TRPC6: variants seen among roughly 807,000 people sequenced by gnomAD.
The protein encoded by TRPC6 is transient receptor potential cation channel subfamily C member 6.
A neutral mutation model predicts 90.7 loss-of-function variants in TRPC6; 55 were observed. That is an observed-to-expected ratio of 0.61 (90% CI 0.49 to 0.76). The LOEUF is 0.76. TRPC6 is among the 30% of genes least tolerant of loss of function. The pLI, the probability that TRPC6 is intolerant of heterozygous loss-of-function variation, is 0.00. For missense variants in TRPC6, 989 were observed against 1,122.7 expected, an observed-to-expected ratio of 0.88 and a Z score of 1.70; for synonymous variants, 393 against 393.0, an observed-to-expected ratio of 1.00 and a Z score of 0.00.
chr11:101,467,469 A>G (rs1051329539), intron 10 of TRPC6, among the ~76,000 whole-genome samples: 14 of 152,254 alleles, frequency 9.2e-5, no homozygotes, highest in African/African-American at 3.1e-4. Flanking sequence ...TAATATTCAA[A>G]AGAACATTTG....
At position 101,571,039 on chromosome 11, in the gene TRPC6, G is replaced by A. The variant is rs1273127712; in HGVS notation, c.170+12295C>T. Among the ~76,000 whole-genome samples, 5 of 152,280 alleles carry A rather than the reference G, an allele frequency of 3.3e-5. No individual in the cohort carries two copies. In the South Asian group the frequency reaches 1.0e-3, roughly 32 times the overall value. On this transcript the variant is annotated intron_variant, in intron 1 of 12. Coordinates refer to ENST00000344327, the MANE Select transcript of TRPC6 (RefSeq NM_004621.6). ...GGCCAGGGGATTCAGGCAAGACAAA[G>A]AAATAAAGCGTATTCAATTTTGAAA...
intron 10 of TRPC6, among the ~76,000 whole-genome samples, chr11:101,462,982 C>T (rs1308539652): frequency 1.3e-5 from 2 of 152,224 alleles, no homozygotes; most frequent in South Asian, 2.1e-4. Context: ...AGATACGTCC[C>T]ATCAATACCT....
At chr11:101,536,107 C>G (rs1317851470) in intron 1 of TRPC6, among the ~76,000 whole-genome samples, 2 of 152,210 alleles carry the variant, frequency 1.3e-5, no homozygotes, top group Non-Finnish European at 2.9e-5. Context: ...TAACTGCAGG[C>G]CAAGCTCAGT....
Position 101,534,391 on chromosome 11 carries a change from C to T in TRPC6, c.171-29593G>A, listed in dbSNP as rs539548926. On this transcript the variant is annotated intron_variant, in intron 1 of 12. Coordinates refer to ENST00000344327, the MANE Select transcript of TRPC6 (RefSeq NM_004621.6). The stretch of plus-strand genomic sequence containing the variant: ...CCTCAGATGATCGACCCACCTCAGC[C>T]TCCCACTGTGCTGGGATTACAGGCA... 1.9e-4 allele frequency among the ~76,000 whole-genome samples: 29 copies of T among 152,284 alleles called. No individual in the cohort carries two copies. In the East Asian group the frequency reaches 4.8e-3, roughly 25 times the overall value.
At chr11:101,466,829 C>A (rs1364436392) in intron 10 of TRPC6, among the ~76,000 whole-genome samples, 1 of 152,210 alleles carries the variant, frequency 6.6e-6, no homozygotes, top group South Asian at 2.1e-4. Context: ...CAGTTTTGTG[C>A]TTGAAACCCA....
chr11:101,496,539 A>G (rs986916458), intron 2 of TRPC6, among the ~76,000 whole-genome samples: 1 of 152,218 alleles, frequency 6.6e-6, no homozygotes, highest in Non-Finnish European at 1.5e-5. Context: ...GAATTGAAGA[A>G]AAACATTTTC....
intron 1 of TRPC6, among the ~76,000 whole-genome samples, chr11:101,578,616 G>GT (rs1206864453): frequency 2.7e-5 from 4 of 150,398 alleles, no homozygotes; most frequent in Admixed American, 6.7e-5. Context: ...GTCATTTTTT[G>GT]TTTTTTTCAT....
intron 4 of TRPC6, among the ~76,000 whole-genome samples, chr11:101,486,669 C>T (rs1177810905): frequency 6.6e-6 from 1 of 152,104 alleles, no homozygotes; most frequent in Non-Finnish European, 1.5e-5. Flanking sequence ...TTGTTTCCTA[C>T]AGCAAAACCA....
intron 1 of TRPC6, among the ~76,000 whole-genome samples, chr11:101,546,371 C>T (rs201109716): frequency 2.3e-4 from 15 of 65,692 alleles, no homozygotes; most frequent in Admixed American, 3.6e-4. Flanking sequence ...CGCACCCGGC[C>T]TTATAACTCT....
At chr11:101,554,518 T>G (rs1173429826) in intron 1 of TRPC6, among the ~76,000 whole-genome samples, 1 of 152,058 alleles carries the variant, frequency 6.6e-6, no homozygotes, top group Admixed American at 6.6e-5. Context: ...ATATATAAAT[T>G]GGGAATATGG....
intron 1 of TRPC6, among the ~76,000 whole-genome samples, chr11:101,516,336 A>G (rs1157196334): frequency 6.6e-6 from 1 of 152,096 alleles, no homozygotes; most frequent in Admixed American, 6.5e-5. Context: ...CACATGCTGA[A>G]AAGAACTACA....
At chr11:101,554,024 T>A (rs1030120857) in intron 1 of TRPC6, among the ~76,000 whole-genome samples, 1 of 152,120 alleles carries the variant, frequency 6.6e-6, no homozygotes, top group Admixed American at 6.6e-5. Flanking sequence ...GCAATGCACA[T>A]GGAAATACAG....
chr11:101,491,836 C>CTTTTTTTTTTTT (rs71056611), intron 2 of TRPC6, 98 bp from the exon 3 acceptor site: 4 of 445,044 alleles, frequency 9.0e-6, no homozygotes, highest in Middle Eastern at 8.1e-4. Context: ...GAGAAACATT[C>CTTTTTTTTTTTT]TTTTTTTTTT....
chr11:101,456,525 C>T (rs1264455595), intron 10 of TRPC6, among the ~76,000 whole-genome samples: 2 of 152,068 alleles, frequency 1.3e-5, no homozygotes, highest in Admixed American at 6.6e-5. Flanking sequence ...ATTTATTTAC[C>T]ATCTATTCAT....
intron 5 of TRPC6, among the ~76,000 whole-genome samples, chr11:101,482,236 C>T (rs77946963): frequency 0.07 from 10,662 of 152,242 alleles, 430 homozygotes; most frequent in African/African-American, 0.09. Flanking sequence ...TTAGTATCCT[C>T]GTTACTTAAC....
chr11:101,510,846 A>G (rs1860379440), intron 1 of TRPC6, among the ~76,000 whole-genome samples: 1 of 152,152 alleles, frequency 6.6e-6, no homozygotes, highest in Admixed American at 6.5e-5. Flanking sequence ...TTCCTGTTCA[A>G]CTATGATACA....
At chr11:101,548,362 T>C (rs1861364981) in intron 1 of TRPC6, among the ~76,000 whole-genome samples, 2 of 142,842 alleles carry the variant, frequency 1.4e-5, no homozygotes, top group South Asian at 2.1e-4. Context: ...TATAATTATA[T>C]CTTATAATTA....
At chr11:101,467,818 G>A (rs1052033890) in intron 10 of TRPC6, among the ~76,000 whole-genome samples, 1 of 152,168 alleles carries the variant, frequency 6.6e-6, no homozygotes, top group African/African-American at 2.4e-5. Context: ...ACAGGCTGAA[G>A]ACTAAATGTG....
At chr11:101,508,423 T>G (rs1424437880) in intron 1 of TRPC6, among the ~76,000 whole-genome samples, 1 of 152,162 alleles carries the variant, frequency 6.6e-6, no homozygotes, top group East Asian at 1.9e-4. Flanking sequence ...AATCACATTA[T>G]TTCTGAGTTA....
Sources: gnomAD v4.1 joint callset for allele counts (sites outside exome capture counted in the v4.1 genomes callset) on GRCh38, gnomAD v4.1.1 for gene constraint, MANE v1.5 for transcripts, NCBI Gene and HGNC (gene_info 2026-07-23, HGNC 2026-07-21) for gene names.